FLYWCH1: variants seen among roughly 807,000 people sequenced by gnomAD.
The protein encoded by FLYWCH1 is FLYWCH-type zinc finger-containing protein 1.
Under a neutral mutation model 66.4 loss-of-function variants are expected in FLYWCH1, and 75 were observed. The ratio of observed to expected loss-of-function variants is 1.13; its 90% CI spans 0.94 to 1.37. The LOEUF is 1.37. Ranked by LOEUF, FLYWCH1 falls within the 40% of genes most tolerant of loss-of-function variation. The probability of loss-of-function intolerance (pLI) is 0.00; values close to 1 mark genes in which losing one functional copy is unlikely to be tolerated. For synonymous variants in FLYWCH1, 595 were observed against 429.9 expected (o/e 1.38, Z -4.75); for missense variants, 1,334 against 1,001.8 (o/e 1.33, Z -4.48).
intron 2 of FLYWCH1, among the ~76,000 whole-genome samples, chr16:2,916,316 G>A (rs570522643): frequency 5.0e-4 from 76 of 152,098 alleles, no homozygotes; most frequent in Non-Finnish European, 1.0e-3. Flanking sequence ...CTCCAGCCTG[G>A]GCAACAGAGT....
Position 2,937,280 on chromosome 16 carries a change from G to GGGTCAT in FLYWCH1, c.1681_1686dup (p.Val561_Met562dup), listed in dbSNP as rs2071051945. 17 of 1,605,372 alleles carry GGGTCAT rather than the reference G, an allele frequency of 1.1e-5. No homozygotes were observed. The highest frequency in any genetic ancestry group is 1.4e-5 in the Non-Finnish European group (16 of 1,177,048). ...AGCCGCGCCATCACCCAGGGCCGGCGGGTCATGGTCATGCGCAGGCACTGC... is the reference window on the plus strand; with the variant it reads ...AGCCGCGCCATCACCCAGGGCCGGCGGGTCATGGTCATGGTCATGCGCAGGCACTGC... On this transcript the variant is annotated inframe_insertion, in exon 7 of 10. Transcript: ENST00000253928.
Position 2,933,317 on chromosome 16 carries a change from G to A in FLYWCH1, c.984G>A (p.Gly328=). 6.2e-7 allele frequency: 1 copy of A among 1,609,400 alleles called. No homozygotes were observed. The highest frequency in any genetic ancestry group is 1.1e-5 in the South Asian group (1 of 90,450). The change falls in exon 5 of 10, where the codon GGG becomes GGA. Residue 328 remains glycine (G), a synonymous_variant. Transcript: ENST00000253928. ...GACAGCGGGTGACTGTGATGCGTGGGCACTGCCACCAGCCCGATATGGAGG... is the reference window on the plus strand; with the variant it reads ...GACAGCGGGTGACTGTGATGCGTGGACACTGCCACCAGCCCGATATGGAGG... ...TQGQRVTVMR[G]HCHQPDMEGL...
chr16:2,932,141 T>C (rs2070784482), intron 4 of FLYWCH1, among the ~76,000 whole-genome samples: 1 of 129,144 alleles, frequency 7.7e-6, no homozygotes, highest in Non-Finnish European at 1.6e-5. Flanking sequence ...AAAAATTAGC[T>C]GGGCGTGGAG....
chr16:2,936,139 C>T (rs2070988863), intron 6 of FLYWCH1: 1 of 307,028 alleles, frequency 3.3e-6, no homozygotes, highest in Admixed American at 4.5e-5. Context: ...TCTTGAACTC[C>T]TGACCTCGTG....
rs930887558 is a variant in FLYWCH1, at chr16:2,938,130, G to C, written c.1778-54G>C. ...CTGGGGGATACAAATCAGACCCCCAGCCCTGCCACCCAGGCCCCTGTGGCC... is the reference window on the plus strand; with the variant it reads ...CTGGGGGATACAAATCAGACCCCCACCCCTGCCACCCAGGCCCCTGTGGCC... On this transcript the variant is annotated intron_variant, in intron 7 of 9. Coordinates refer to ENST00000253928, the MANE Select transcript of FLYWCH1 (RefSeq NM_001308068.2). 17 of 1,559,858 alleles carry C rather than the reference G, an allele frequency of 1.1e-5. No homozygotes were observed. The Admixed American group carries it at 1.5e-4, about 14-fold the overall frequency.
At chr16:2,942,253 C>A (rs916955550) in intron 9 of FLYWCH1, among the ~76,000 whole-genome samples, 1 of 152,000 alleles carries the variant, frequency 6.6e-6, no homozygotes, top group Non-Finnish European at 1.5e-5. Flanking sequence ...CATCTCAGCT[C>A]ACTTGAACCT....
intron 2 of FLYWCH1, among the ~76,000 whole-genome samples, chr16:2,926,956 C>G (rs1032712510): frequency 1.3e-5 from 2 of 152,178 alleles, no homozygotes; most frequent in African/African-American, 4.8e-5. Flanking sequence ...AGGATAGTCT[C>G]TATCTCGGCA....
chr16:2,938,267 A>G lies in FLYWCH1; in HGVS notation c.1861A>G (p.Lys621Glu), dbSNP rs1385137257. 1 of 1,612,982 alleles carries G rather than the reference A, an allele frequency of 6.2e-7. No individual in the cohort carries two copies. The highest frequency in any genetic ancestry group is 2.2e-5 in the East Asian group (1 of 44,856). Reference protein sequence around the residue: ...VHESFLYRKEKAAGEKVYWMC... With the variant: ...VHESFLYRKEEAAGEKVYWMC... ...CGAGTCCTTCCTCTACAGGAAGGAG[A>G]AGGCGGCTGGGGAGAAGGTGTACTG... The change falls in exon 8 of 10, where the codon AAG becomes GAG. Residue 621 changes from lysine (K) to glutamate (E), a missense_variant. Transcript: ENST00000253928.
In FLYWCH1 at chr16:2,942,435, G is replaced by A. The variant is rs1048952970; in HGVS notation, c.2111+2343G>A. Among the ~76,000 whole-genome samples, 6 of 152,126 alleles carry A rather than the reference G, an allele frequency of 3.9e-5. 1 individual carries two copies. The South Asian group carries it at 6.2e-4, about 16-fold the overall frequency. The stretch of plus-strand genomic sequence containing the variant: ...AGTGCTGGCATTACAAGCATGAGCC[G>A]CAATGCTTGGCCCCAGCTCATTCTC... On this transcript the variant is annotated intron_variant, in intron 9 of 9. Transcript: ENST00000253928.
At chr16:2,927,012 A>G (rs554277939) in intron 2 of FLYWCH1, among the ~76,000 whole-genome samples, 2 of 152,234 alleles carry the variant, frequency 1.3e-5, no homozygotes, top group Non-Finnish European at 1.5e-5. Context: ...AGTAGAAAAT[A>G]AAACCCAACC....
intron 8 of FLYWCH1, 108 bp downstream of exon 8, chr16:2,938,564 A>G: frequency 9.8e-7 from 1 of 1,022,298 alleles, no homozygotes; most frequent in Non-Finnish European, 1.3e-6. Flanking sequence ...GCTTTTGTGC[A>G]CACACAAATT....
At chr16:2,921,852 G>A (rs528511242) in intron 2 of FLYWCH1, among the ~76,000 whole-genome samples, 19 of 152,088 alleles carry the variant, frequency 1.2e-4, no homozygotes, top group Admixed American at 3.9e-4. Flanking sequence ...TCATGAGGTC[G>A]GAAGTTCGAG....
At position 2,938,299 on chromosome 16, in the gene FLYWCH1, C is replaced by T. The variant is rs866967355; in HGVS notation, c.1893C>T (p.Cys631=). 6.2e-7 allele frequency: 1 copy of T among 1,611,548 alleles called. No homozygotes were observed. Among genetic ancestry groups the T allele is most frequent in the Non-Finnish European group, 8.5e-7 (1 of 1,178,798 alleles). Residue 631 remains cysteine (C), a synonymous_variant, in exon 8 of 10, where the codon TGC becomes TGT. Coordinates refer to ENST00000253928, the MANE Select transcript of FLYWCH1 (RefSeq NM_001308068.2). ...KAAGEKVYWM[C]RDQARLGCRS... is the part of the protein sequence containing the mutation. Reference sequence around the variant, plus strand: ...CTGGGGAGAAGGTGTACTGGATGTGCCGGGACCAGGCTCGGCTGGGCTGCC... The same window carrying T: ...CTGGGGAGAAGGTGTACTGGATGTGTCGGGACCAGGCTCGGCTGGGCTGCC...
chr16:2,949,641 G>C lies in FLYWCH1; in HGVS notation c.*914G>C, dbSNP rs771867103. The C allele has an allele frequency of 6.6e-6, 1 of 152,084 alleles. No individual in the cohort carries two copies. Among genetic ancestry groups the C allele is most frequent in the African/African-American group, 2.4e-5 (1 of 41,386 alleles). 9.4% of individuals were successfully genotyped at this position (152,084 alleles called of 1,614,324 possible). A position where few individuals can be genotyped will look rare whatever the true frequency, so the allele number is the denominator to read the frequency against. ...TACTAACAAGGACCTGTCCGCAGCCGCGAGGTCCTTCACTCCCACCCTGTA... is the reference window on the plus strand; with the variant it reads ...TACTAACAAGGACCTGTCCGCAGCCCCGAGGTCCTTCACTCCCACCCTGTA... On this transcript the variant is annotated 3_prime_UTR_variant, in exon 10 of 10. Coordinates refer to ENST00000253928, the MANE Select transcript of FLYWCH1 (RefSeq NM_001308068.2).
chr16:2,949,044 C>G lies in FLYWCH1; in HGVS notation c.*317C>G, dbSNP rs1029506784. ...ACGCCCCTGCTGTACGGCCACAGCA[C>G]CCCTGGGTTTGCAGAGCACGCAGCC... On this transcript the variant is annotated 3_prime_UTR_variant, in exon 10 of 10. Coordinates refer to ENST00000253928, the MANE Select transcript of FLYWCH1 (RefSeq NM_001308068.2). The G allele has an allele frequency of 1.7e-5, 7 of 410,340 alleles. No homozygotes were observed. The highest frequency in any genetic ancestry group is 8.1e-5 in the African/African-American group (4 of 49,174). The allele number at this position is 410,340 out of a possible 1,614,324, so 25.4% of individuals were successfully genotyped here. A position where few individuals can be genotyped will look rare whatever the true frequency, so the allele number is the denominator to read the frequency against.
chr16:2,927,273 G>C (rs1349442048), intron 2 of FLYWCH1, among the ~76,000 whole-genome samples: 3 of 152,150 alleles, frequency 2.0e-5, no homozygotes, highest in Non-Finnish European at 4.4e-5. Context: ...CATTGATGAA[G>C]CTAGAAAACA....
chr16:2,929,324 C>T (rs1477304198), intron 2 of FLYWCH1, among the ~76,000 whole-genome samples: 1 of 152,210 alleles, frequency 6.6e-6, no homozygotes, highest in Non-Finnish European at 1.5e-5. Context: ...CGTCCGTGCT[C>T]AGCATGTGGC....
At chr16:2,927,968 T>C (rs768078090) in intron 2 of FLYWCH1, among the ~76,000 whole-genome samples, 10 of 152,118 alleles carry the variant, frequency 6.6e-5, no homozygotes, top group Non-Finnish European at 1.2e-4. Flanking sequence ...AACAGGGTGA[T>C]GGTGGGGAGA....
chr16:2,921,267 A>G (rs534978537), intron 2 of FLYWCH1, among the ~76,000 whole-genome samples: 1 of 150,684 alleles, frequency 6.6e-6, no homozygotes, highest in Non-Finnish European at 1.5e-5. Context: ...ACCACCATCA[A>G]TTTTAGGACT....
Sources: allele counts gnomAD v4.1 joint callset (sites outside exome capture counted in the v4.1 genomes callset), GRCh38; gene constraint gnomAD v4.1.1; transcripts MANE v1.5; gene names NCBI Gene and HGNC (gene_info 2026-07-23, HGNC 2026-07-21).